ADK: variants seen among roughly 807,000 people sequenced by gnomAD.
ADK encodes the protein N6,N6-dimethyladenosine kinase.
In ADK, 24 loss-of-function variants were observed where a neutral mutation model predicts 44.7. The observed-to-expected ratio is 0.54, with a 90% CI of 0.39 to 0.76. ADK has a LOEUF of 0.76. Among genes scored for constraint, ADK ranks in the 30% least tolerant of loss-of-function variants. The pLI is 0.00. For synonymous variants in ADK, 128 were observed against 142.6 expected (o/e 0.90, Z 0.73); for missense variants, 321 against 425.1 (o/e 0.76, Z 2.15).
chr10:74,470,176 A>C (rs1846515245), intron 6 of ADK, among the ~76,000 whole-genome samples: 1 of 151,768 alleles, frequency 6.6e-6, no homozygotes, highest in Admixed American at 6.6e-5. Context: ...AGGTGCGCGC[A>C]ACCACACCTG....
intron 9 of ADK, among the ~76,000 whole-genome samples, chr10:74,654,218 A>T (rs1053785765): frequency 1.5e-4 from 23 of 152,230 alleles, no homozygotes; most frequent in Non-Finnish European, 2.4e-4. Flanking sequence ...ATATGATTTT[A>T]AGAAGGGTCA....
intron 3 of ADK, among the ~76,000 whole-genome samples, chr10:74,235,000 C>G (rs4746189): frequency 0.032 from 4,861 of 151,930 alleles, 276 homozygotes; most frequent in African/African-American, 0.11. Context: ...AACTTTAATG[C>G]TTTTTTATTT....
intron 4 of ADK, among the ~76,000 whole-genome samples, chr10:74,348,237 A>G (rs1191695812): frequency 1.3e-5 from 2 of 152,164 alleles, no homozygotes; most frequent in African/African-American, 4.8e-5. Context: ...TAGAGGAAGG[A>G]CCAGGCAACA....
chr10:74,531,201 C>T (rs757255873), intron 7 of ADK, among the ~76,000 whole-genome samples: 3 of 152,100 alleles, frequency 2.0e-5, no homozygotes, highest in African/African-American at 4.8e-5. Flanking sequence ...CACATGAGGA[C>T]CTATAACCAT....
rs556649203 is a variant in ADK at position 74,477,497 on chromosome 10, T to C, written c.556-47759T>C. On this transcript the variant is annotated intron_variant, in intron 6 of 10. Transcript: ENST00000539909. Reference sequence around the variant, plus strand: ...TACTGAGATTACAGTAGTGCACCACTGCACCTAGCCAAGATTTTTTAAAAG... The same window carrying C: ...TACTGAGATTACAGTAGTGCACCACCGCACCTAGCCAAGATTTTTTAAAAG... 7.9e-5 allele frequency among the ~76,000 whole-genome samples: 12 copies of C among 152,310 alleles called. No homozygotes were observed. The East Asian group carries it at 2.3e-3, about 29-fold the overall frequency.
chr10:74,242,048 G>T (rs1845228997), intron 3 of ADK, among the ~76,000 whole-genome samples: 1 of 151,970 alleles, frequency 6.6e-6, no homozygotes, highest in African/African-American at 2.4e-5. Flanking sequence ...CCTTGTTTCT[G>T]TTGCTTTAAA....
chr10:74,515,790 G>C (rs964150516), intron 6 of ADK, among the ~76,000 whole-genome samples: 5 of 152,130 alleles, frequency 3.3e-5, no homozygotes, highest in Non-Finnish European at 5.9e-5. Flanking sequence ...GCTTGCTGTG[G>C]GTAGGACTGG....
chr10:74,381,972 C>G (rs191631059), intron 4 of ADK, among the ~76,000 whole-genome samples: 5 of 151,594 alleles, frequency 3.3e-5, no homozygotes, highest in African/African-American at 1.2e-4. Flanking sequence ...TTTTCTTATT[C>G]TTTGGTTATT....
chr10:74,352,462 A>G (rs1212983045), intron 4 of ADK, among the ~76,000 whole-genome samples: 7 of 152,254 alleles, frequency 4.6e-5, no homozygotes. Context: ...ACCGAAAACC[A>G]TAAAAACCCT....
intron 9 of ADK, among the ~76,000 whole-genome samples, chr10:74,658,599 C>T (rs868001445): frequency 6.6e-6 from 1 of 151,932 alleles, no homozygotes; most frequent in Non-Finnish European, 1.5e-5. Flanking sequence ...CCATGCCCGG[C>T]TGGCTTTTAA....
At chr10:74,609,251 C>G (rs567929534) in intron 9 of ADK, among the ~76,000 whole-genome samples, 1 of 152,162 alleles carries the variant, frequency 6.6e-6, no homozygotes, top group East Asian at 1.9e-4. Context: ...GTGAACAGTT[C>G]TGTCTCGCTG....
chr10:74,627,494 C>A (rs1331459236), intron 9 of ADK, among the ~76,000 whole-genome samples: 2 of 151,396 alleles, frequency 1.3e-5, no homozygotes, highest in Non-Finnish European at 2.9e-5. Context: ...AAAAAGCTTT[C>A]TTTCGAAATG....
intron 9 of ADK, among the ~76,000 whole-genome samples, chr10:74,628,843 G>C (rs149750383): frequency 1.3e-5 from 2 of 152,148 alleles, no homozygotes; most frequent in Admixed American, 6.5e-5. Context: ...CTTGGAGTTA[G>C]AGCAGTCTAG....
chr10:74,413,623 C>A (rs1844264760), intron 6 of ADK, among the ~76,000 whole-genome samples: 1 of 152,188 alleles, frequency 6.6e-6, no homozygotes, highest in African/African-American at 2.4e-5. Flanking sequence ...CTATACAGAC[C>A]AGTAAAACTT....
intron 6 of ADK, among the ~76,000 whole-genome samples, chr10:74,486,237 G>T (rs1430979468): frequency 6.6e-6 from 1 of 151,702 alleles, no homozygotes; most frequent in African/African-American, 2.4e-5. Context: ...TCTCTCTCTC[G>T]CCTGCCACCA....
intron 7 of ADK, among the ~76,000 whole-genome samples, chr10:74,565,742 A>C (rs998336651): frequency 2.0e-5 from 3 of 151,576 alleles, no homozygotes; most frequent in South Asian, 2.1e-4. Context: ...AAAAAAAAAA[A>C]AAAAAAACCA....
At chr10:74,631,284 T>C (rs1853411262) in intron 9 of ADK, among the ~76,000 whole-genome samples, 2 of 151,664 alleles carry the variant, frequency 1.3e-5, no homozygotes, top group Non-Finnish European at 2.9e-5. Context: ...ATTTATTTTT[T>C]TTTTTTTGAG....
intron 9 of ADK, among the ~76,000 whole-genome samples, chr10:74,605,820 C>G (rs545438914): frequency 6.6e-6 from 1 of 152,296 alleles, no homozygotes; most frequent in African/African-American, 2.4e-5. Flanking sequence ...AGGAATAGTA[C>G]CAGCTCCTCT....
chr10:74,458,119 CTTTTTTTTTT>C (rs1172945144), intron 6 of ADK, among the ~76,000 whole-genome samples: 11 of 74,468 alleles, frequency 1.5e-4, no homozygotes, highest in South Asian at 1.5e-3. Flanking sequence ...TGCATTAAAA[CTTTTTTTTTT>C]TTTTTTTTTT....
Sources: allele counts gnomAD v4.1 joint callset (sites outside exome capture counted in the v4.1 genomes callset), GRCh38; gene constraint gnomAD v4.1.1; transcripts MANE v1.5; gene names NCBI Gene and HGNC (gene_info 2026-07-23, HGNC 2026-07-21).